The following CRIPTO variants were observed in gnomAD, a reference collection of about 807,000 sequenced individuals.
The protein encoded by CRIPTO is cripto, EGF-CFC family member, also known as protein Cripto.
At chr3:46,579,351 A>G in the CRIPTO span, 15 of 1,613,978 alleles carry the variant, frequency 9.3e-6, no homozygotes, top group Non-Finnish European at 3.4e-6. Context: ...TGTGCCGCCC[A>G]TGGGGATACA....
At chr3:46,579,173 C>G in the CRIPTO span, 1 of 1,614,146 alleles carries the variant, frequency 6.2e-7, no homozygotes, top group Non-Finnish European at 8.5e-7. Flanking sequence ...TTCTTTTGAT[C>G]ACTCTCAATT....
chr3:46,581,213 T>C, the CRIPTO span: 1 of 1,614,092 alleles, frequency 6.2e-7, no homozygotes, highest in African/African-American at 1.3e-5. Flanking sequence ...ACTTTTATGC[T>C]AGTTGGCATC....
At chr3:46,579,791 G>A in the CRIPTO span, 1 of 1,613,494 alleles carries the variant, frequency 6.2e-7, no homozygotes, top group Non-Finnish European at 8.5e-7. Flanking sequence ...GCATGCTGGG[G>A]TCCTTTTGTG....
At chr3:46,579,568 CTG>C in the CRIPTO span, 1 of 1,170,444 alleles carries the variant, frequency 8.5e-7, no homozygotes, top group African/African-American at 1.5e-5. Context: ...CCACTTCACA[CTG>C]GGGAACCCAG....
chr3:46,581,502 C>CAGTGT, the CRIPTO span: 1 of 601,422 alleles, frequency 1.7e-6, no homozygotes, highest in Non-Finnish European at 2.9e-6. Flanking sequence ...TGCCTAAGTC[C>CAGTGT]AGTGTTTCTT....
At chr3:46,577,010 AT>A in the CRIPTO span, among the ~76,000 whole-genome samples, 2 of 151,982 alleles carry the variant, frequency 1.3e-5, no homozygotes, top group Non-Finnish European at 2.9e-5. Context: ...AATTCCCGTG[AT>A]TGGGGGCTGA....
At chr3:46,581,763 A>G in the CRIPTO span, 1 of 319,038 alleles carries the variant, frequency 3.1e-6, no homozygotes, top group Admixed American at 4.5e-5. Flanking sequence ...CACTCGCCTC[A>G]GCCTCTCGAA....
At chr3:46,576,706 G>T in the CRIPTO span, among the ~76,000 whole-genome samples, 1 of 152,070 alleles carries the variant, frequency 6.6e-6, no homozygotes, top group Non-Finnish European at 1.5e-5. Context: ...TTAAGTAACC[G>T]TCAGGCTTTC....
the CRIPTO span, chr3:46,579,594 C>A: frequency 8.5e-7 from 1 of 1,171,190 alleles, no homozygotes; most frequent in Non-Finnish European, 1.3e-6. Context: ...CACCACTGGC[C>A]TATGCATGAA....
At chr3:46,579,884 G>C in the CRIPTO span, 7 of 1,614,092 alleles carry the variant, frequency 4.3e-6, no homozygotes, top group Non-Finnish European at 5.9e-6. Context: ...GGGAGCCGTG[G>C]AGAGGAGAGA....
At chr3:46,578,379 A>C in the CRIPTO span, among the ~76,000 whole-genome samples, 1 of 151,344 alleles carries the variant, frequency 6.6e-6, no homozygotes, top group African/African-American at 2.4e-5. Flanking sequence ...AAAAAAAAAA[A>C]AAAACCCACA....
the CRIPTO span, chr3:46,579,848 CAA>C: frequency 2.5e-6 from 4 of 1,614,088 alleles, no homozygotes; most frequent in Admixed American, 3.3e-5. Context: ...ACGATGTGCG[CAA>C]AGAGTAAGCA....
the CRIPTO span, chr3:46,581,158 G>A: frequency 4.6e-5 from 74 of 1,614,058 alleles, no homozygotes; most frequent in Non-Finnish European, 6.2e-5. Flanking sequence ...TGAGCACCTC[G>A]TGGCTTCCAG....
At chr3:46,578,384 C>T in the CRIPTO span, among the ~76,000 whole-genome samples, 1 of 133,366 alleles carries the variant, frequency 7.5e-6, no homozygotes, top group Non-Finnish European at 1.6e-5. Context: ...AAAAAAAAAA[C>T]CCACATTTTT....
the CRIPTO span, among the ~76,000 whole-genome samples, chr3:46,576,517 A>G: frequency 2.1e-5 from 3 of 142,148 alleles, no homozygotes; most frequent in African/African-American, 7.9e-5. Context: ...AATCATGTGT[A>G]GAAGTAAATA....
chr3:46,574,827 T>G, the CRIPTO span, among the ~76,000 whole-genome samples: 11 of 152,266 alleles, frequency 7.2e-5, no homozygotes, highest in African/African-American at 2.4e-4. Flanking sequence ...TGTATTTCAT[T>G]CCACCATTCT....
the CRIPTO span, chr3:46,582,411 T>C: frequency 6.6e-6 from 1 of 152,332 alleles, no homozygotes; most frequent in East Asian, 1.9e-4. Flanking sequence ...ATTTTTAAAA[T>C]ACATTGTATA....
At chr3:46,579,973 G>T in the CRIPTO span, 1 of 1,614,244 alleles carries the variant, frequency 6.2e-7, no homozygotes, top group South Asian at 1.1e-5. Context: ...TGTGCCCCAT[G>T]ACACCTGGCT....
At chr3:46,579,451 G>A in the CRIPTO span, 47 of 1,607,460 alleles carry the variant, frequency 2.9e-5, no homozygotes, top group Non-Finnish European at 2.4e-5. Context: ...CACCTAAAAG[G>A]GCACCTGGTT....
Sources: gnomAD v4.1 joint callset for allele counts (sites outside exome capture counted in the v4.1 genomes callset) on GRCh38, gnomAD v4.1.1 for gene constraint, MANE v1.5 for transcripts, NCBI Gene and HGNC (gene_info 2026-07-23, HGNC 2026-07-21) for gene names.